The following ITCH variants were observed in gnomAD, a reference collection of about 807,000 sequenced individuals.
ITCH encodes E3 ubiquitin-protein ligase Itchy homolog.
Under a neutral mutation model 126.8 loss-of-function variants are expected in ITCH, and 28 were observed. The observed-to-expected ratio is 0.22, with a 90% CI of 0.16 to 0.30. The LOEUF is 0.30. Among genes scored for constraint, ITCH ranks in the 10% least tolerant of loss-of-function variants. The pLI, the probability that ITCH is intolerant of heterozygous loss-of-function variation, is 1.00. For missense variants in ITCH, 631 were observed against 1,032.4 expected, an observed-to-expected ratio of 0.61 and a Z score of 5.33; for synonymous variants, 342 against 340.0, an observed-to-expected ratio of 1.01 and a Z score of -0.06.
chr20:34,408,323 C>T (rs905318039), intron 3 of ITCH, among the ~76,000 whole-genome samples: 1 of 152,190 alleles, frequency 6.6e-6, no homozygotes, highest in Non-Finnish European at 1.5e-5. Flanking sequence ...ATCCTCTTGC[C>T]TCAGCCTCCC....
At chr20:34,489,535 A>T in intron 21 of ITCH, 149 bp downstream of exon 21, 1 of 793,040 alleles carries the variant, frequency 1.3e-6, no homozygotes, top group Non-Finnish European at 2.1e-6. Flanking sequence ...GGTTAAAGAA[A>T]ATCATAATTT....
intron 14 of ITCH, among the ~76,000 whole-genome samples, chr20:34,464,437 CTG>C (rs1986849598): frequency 6.6e-6 from 1 of 151,750 alleles, no homozygotes; most frequent in Non-Finnish European, 1.5e-5. Context: ...AGCTATTCTC[CTG>C]CTTCAGCCTC....
intron 6 of ITCH, among the ~76,000 whole-genome samples, chr20:34,418,175 G>T (rs1980215028): frequency 6.6e-6 from 1 of 151,864 alleles, no homozygotes; most frequent in African/African-American, 2.4e-5. Flanking sequence ...CTGTTGCCCA[G>T]GGTGGTCTCA....
chr20:34,484,662 G>A (rs78986909), intron 20 of ITCH, among the ~76,000 whole-genome samples: 1 of 152,132 alleles, frequency 6.6e-6, no homozygotes, highest in Non-Finnish European at 1.5e-5. Flanking sequence ...ATAATGGCTT[G>A]CTTAAAATTT....
chr20:34,403,403 T>TGA (rs904999922), intron 3 of ITCH, among the ~76,000 whole-genome samples: 5 of 151,700 alleles, frequency 3.3e-5, no homozygotes, highest in African/African-American at 7.3e-5. Context: ...TGGGTATGTG[T>TGA]GAGAGAGAGA....
At chr20:34,367,781 G>A (rs540686319) in intron 1 of ITCH, among the ~76,000 whole-genome samples, 1 of 152,164 alleles carries the variant, frequency 6.6e-6, no homozygotes, top group Non-Finnish European at 1.5e-5. Context: ...ACTAGAACTA[G>A]AACTGGGTTT....
At chr20:34,442,519 T>C (rs2146294462) in intron 10 of ITCH, among the ~76,000 whole-genome samples, 1 of 152,302 alleles carries the variant, frequency 6.6e-6, no homozygotes, top group South Asian at 2.1e-4. Flanking sequence ...ATTTCTTTCT[T>C]CTTTTCTTTA....
At chr20:34,424,875 T>C (rs147835209) in intron 7 of ITCH, among the ~76,000 whole-genome samples, 1 of 152,180 alleles carries the variant, frequency 6.6e-6, no homozygotes, top group Non-Finnish European at 1.5e-5. Context: ...TATGTGAAGG[T>C]CACCACTAGC....
At chr20:34,427,762 A>T (rs1462498924) in intron 7 of ITCH, among the ~76,000 whole-genome samples, 1 of 152,172 alleles carries the variant, frequency 6.6e-6, no homozygotes, top group Non-Finnish European at 1.5e-5. Flanking sequence ...ATGTTTTAGT[A>T]TTTCAGTTTG....
chr20:34,410,384 GAAA>G (rs904883569), intron 4 of ITCH, among the ~76,000 whole-genome samples: 3 of 29,556 alleles, frequency 1.0e-4, no homozygotes, highest in African/African-American at 5.9e-4. Flanking sequence ...AAAAAAGAGA[GAAA>G]AAAAAAAAAG....
chr20:34,398,475 C>T (rs1055406168), intron 3 of ITCH, among the ~76,000 whole-genome samples: 6 of 151,632 alleles, frequency 4.0e-5, no homozygotes, highest in African/African-American at 1.5e-4. Flanking sequence ...CTCGGCTCAC[C>T]GCAACCTCCG....
intron 13 of ITCH, among the ~76,000 whole-genome samples, chr20:34,458,883 T>C (rs1244757587): frequency 6.6e-6 from 1 of 152,206 alleles, no homozygotes; most frequent in Non-Finnish European, 1.5e-5. Flanking sequence ...TTCTGAGTTA[T>C]TGAGGGCCAG....
intron 2 of ITCH, among the ~76,000 whole-genome samples, chr20:34,375,340 CTTT>C (rs61157752): frequency 1.6e-4 from 21 of 128,088 alleles, no homozygotes; most frequent in East Asian, 2.2e-4. Flanking sequence ...CGCACCTGGC[CTTT>C]TTTTTTTTTT....
chr20:34,475,419 A>G (rs74808072), intron 16 of ITCH, among the ~76,000 whole-genome samples: 3 of 152,176 alleles, frequency 2.0e-5, no homozygotes, highest in African/African-American at 7.2e-5. Context: ...TCGGGAGGCC[A>G]AGGCTGGCGG....
intron 6 of ITCH, among the ~76,000 whole-genome samples, chr20:34,418,757 C>CTTTTTTTTTTTTTT (rs373974620): frequency 8.6e-6 from 1 of 116,534 alleles, no homozygotes; most frequent in Non-Finnish European, 1.7e-5. Context: ...TCTTTTTTTC[C>CTTTTTTTTTTTTTT]TTTTTTTTTT....
At chr20:34,492,387 G>A (rs1206885435) in intron 22 of ITCH, 114 bp from the exon 23 acceptor site, 2 of 681,042 alleles carry the variant, frequency 2.9e-6, no homozygotes, top group Non-Finnish European at 5.0e-6. Context: ...ACAGAGCCTG[G>A]GACACCTCAC....
intron 22 of ITCH, among the ~76,000 whole-genome samples, chr20:34,491,279 A>G (rs1332655652): frequency 6.6e-6 from 1 of 152,248 alleles, no homozygotes; most frequent in South Asian, 2.1e-4. Context: ...GAATTTTAAG[A>G]TAAGCGAAGT....
chr20:34,495,647 G>C (rs1397214477), intron 23 of ITCH, among the ~76,000 whole-genome samples: 1 of 152,016 alleles, frequency 6.6e-6, no homozygotes, highest in African/African-American at 2.4e-5. Flanking sequence ...AAGTATTCCA[G>C]TTTGTTTATA....
intron 6 of ITCH, among the ~76,000 whole-genome samples, chr20:34,418,110 G>T (rs1045724068): frequency 1.3e-5 from 2 of 151,642 alleles, no homozygotes; most frequent in Non-Finnish European, 2.9e-5. Context: ...AGGACTACAG[G>T]CGCACTCAGC....
Sources: allele counts gnomAD v4.1 joint callset (sites outside exome capture counted in the v4.1 genomes callset), GRCh38; gene constraint gnomAD v4.1.1; transcripts MANE v1.5; gene names NCBI Gene and HGNC (gene_info 2026-07-23, HGNC 2026-07-21).